STIMATE: variants seen among roughly 807,000 people sequenced by gnomAD.
STIMATE encodes the protein store-operated calcium entry regulator STIMATE.
STIMATE carries 15 observed loss-of-function variants against 36.7 expected under a neutral mutation model. That is an observed-to-expected ratio of 0.41 (90% CI 0.27 to 0.63). STIMATE has a LOEUF of 0.63. Ranked by LOEUF, STIMATE falls within the 20% of genes least tolerant of loss-of-function variation. The probability of loss-of-function intolerance (pLI) is 0.32; values close to 1 mark genes in which losing one functional copy is unlikely to be tolerated. For missense variants in STIMATE, 305 were observed against 397.3 expected, an observed-to-expected ratio of 0.77 and a Z score of 1.98; for synonymous variants, 163 against 162.3, an observed-to-expected ratio of 1.00 and a Z score of -0.03.
intron 2 of STIMATE, 108 bp from the exon 3 acceptor site, chr3:52,852,806 T>A: frequency 7.4e-7 from 1 of 1,348,966 alleles, no homozygotes; most frequent in Non-Finnish European, 1.0e-6. Context: ...AACCTTCCAA[T>A]CACTGGTTAT....
At position 52,836,763 on chromosome 3, in the gene STIMATE, C is replaced by T; in HGVS notation, c.*3731G>A. The T allele has an allele frequency of 2.8e-6, 1 of 353,382 alleles. No individual in the cohort carries two copies. Among genetic ancestry groups the T allele is most frequent in the South Asian group, 2.1e-5 (1 of 46,912 alleles). The allele number at this position is 353,382 out of a possible 1,614,324, so 21.9% of individuals were successfully genotyped here. ...TTTTAAAAAAAACTGTAATAAGATG[C>T]CAAACTTTATTGTAAACCATTTTAC... On this transcript the variant is annotated 3_prime_UTR_variant, in exon 8 of 8. Transcript: ENST00000355083.
intron 1 of STIMATE, among the ~76,000 whole-genome samples, chr3:52,856,171 T>A (rs1395791059): frequency 6.6e-6 from 1 of 152,098 alleles, no homozygotes; most frequent in African/African-American, 2.4e-5. Context: ...CATGGCAGAG[T>A]GTGTCTGGCC....
intron 1 of STIMATE, among the ~76,000 whole-genome samples, chr3:52,869,305 C>T (rs1233285065): frequency 6.6e-6 from 1 of 152,256 alleles, no homozygotes; most frequent in Non-Finnish European, 1.5e-5. Flanking sequence ...GCCTAAAACC[C>T]TCCAGTGCCA....
At chr3:52,891,920 C>T (rs1575352941) in intron 1 of STIMATE, among the ~76,000 whole-genome samples, 1 of 152,302 alleles carries the variant, frequency 6.6e-6, no homozygotes, top group East Asian at 1.9e-4. Flanking sequence ...TCTTTCTCAT[C>T]TCCATAGCCC....
At chr3:52,884,340 G>C (rs1041830551) in intron 1 of STIMATE, among the ~76,000 whole-genome samples, 3 of 151,832 alleles carry the variant, frequency 2.0e-5, no homozygotes, top group African/African-American at 7.3e-5. Context: ...CCGCTTCCCG[G>C]GTTCAAGCGA....
intron 1 of STIMATE, among the ~76,000 whole-genome samples, chr3:52,857,794 A>C (rs896148069): frequency 1.3e-5 from 2 of 151,774 alleles, no homozygotes; most frequent in Admixed American, 6.6e-5. Flanking sequence ...AGAGAAGCAA[A>C]TGTGGTGTTA....
intron 1 of STIMATE, among the ~76,000 whole-genome samples, chr3:52,859,280 T>A (rs921455884): frequency 2.0e-5 from 3 of 150,930 alleles, no homozygotes; most frequent in African/African-American, 7.3e-5. Context: ...ATAATATGCC[T>A]ACCATGATTC....
chr3:52,873,117 C>G (rs374564574), intron 1 of STIMATE, among the ~76,000 whole-genome samples: 1 of 152,198 alleles, frequency 6.6e-6, no homozygotes, highest in Non-Finnish European at 1.5e-5. Context: ...CAACAACCTC[C>G]CCCCACCACC....
chr3:52,894,195 A>C (rs1045330565), intron 1 of STIMATE, among the ~76,000 whole-genome samples: 1 of 152,200 alleles, frequency 6.6e-6, no homozygotes, highest in Non-Finnish European at 1.5e-5. Context: ...AGTGGAAAGT[A>C]TCTTCATAAG....
intron 1 of STIMATE, among the ~76,000 whole-genome samples, chr3:52,893,457 A>G (rs1701814349): frequency 6.6e-6 from 1 of 152,068 alleles, no homozygotes; most frequent in Non-Finnish European, 1.5e-5. Flanking sequence ...ACAGATGTTC[A>G]GTGTATTATT....
intron 1 of STIMATE, among the ~76,000 whole-genome samples, chr3:52,880,489 C>T (rs1701584392): frequency 6.6e-6 from 1 of 152,208 alleles, no homozygotes. Flanking sequence ...AGTCTCAGCA[C>T]ATTCTAGGGA....
At chr3:52,875,180 T>C (rs1701480573) in intron 1 of STIMATE, among the ~76,000 whole-genome samples, 1 of 152,222 alleles carries the variant, frequency 6.6e-6, no homozygotes, top group Non-Finnish European at 1.5e-5. Flanking sequence ...TTTTTTGTAT[T>C]CCCCAGTTTC....
intron 4 of STIMATE, 61 bp from the exon 5 acceptor site, chr3:52,845,002 C>T: frequency 3.2e-6 from 5 of 1,560,298 alleles, no homozygotes; most frequent in Admixed American, 1.7e-5. Flanking sequence ...AGATGATGTC[C>T]CCACCCCACT....
chr3:52,880,057 T>C (rs568701867), intron 1 of STIMATE, among the ~76,000 whole-genome samples: 1 of 152,368 alleles, frequency 6.6e-6, no homozygotes, highest in South Asian at 2.1e-4. Context: ...AGAATCAGCA[T>C]GCTCTGGCCC....
intron 6 of STIMATE, 158 bp from the exon 7 acceptor site, chr3:52,843,118 A>G (rs549777548): frequency 7.5e-7 from 1 of 1,327,722 alleles, no homozygotes; most frequent in South Asian, 1.5e-5. Context: ...AAAGCTTAGA[A>G]AGAGATTCCC....
chr3:52,861,720 C>T (rs1363184831), intron 1 of STIMATE, among the ~76,000 whole-genome samples: 10 of 152,152 alleles, frequency 6.6e-5, no homozygotes, highest in African/African-American at 1.9e-4. Flanking sequence ...TCCCCACTCC[C>T]GGGGCTGAGC....
chr3:52,857,771 G>A (rs1019671220), intron 1 of STIMATE, among the ~76,000 whole-genome samples: 1 of 150,952 alleles, frequency 6.6e-6, no homozygotes, highest in Non-Finnish European at 1.5e-5. Context: ...TATATATAGA[G>A]AGAGAGAGAG....
At chr3:52,897,216 A>C (rs953757440) in intron 1 of STIMATE, 75 bp downstream of exon 1, 3 of 1,506,862 alleles carry the variant, frequency 2.0e-6, no homozygotes, top group Non-Finnish European at 2.6e-6. Context: ...CTCTCCGCGC[A>C]GGAGGGGCCC....
chr3:52,889,916 G>C (rs1252500776), intron 1 of STIMATE, among the ~76,000 whole-genome samples: 1 of 152,138 alleles, frequency 6.6e-6, no homozygotes, highest in Non-Finnish European at 1.5e-5. Context: ...GCCTGAAATG[G>C]AATAAGGAAG....
Sources: allele counts gnomAD v4.1 joint callset (sites outside exome capture counted in the v4.1 genomes callset), GRCh38; gene constraint gnomAD v4.1.1; transcripts MANE v1.5; gene names NCBI Gene and HGNC (gene_info 2026-07-23, HGNC 2026-07-21).